The following RAPGEF2 variants were observed in gnomAD, a reference collection of about 807,000 sequenced individuals.
RAPGEF2 encodes PDZ domain containing guanine nucleotide exchange factor (GEF) 1.
A neutral mutation model predicts 186.7 loss-of-function variants in RAPGEF2; 54 were observed. That is an observed-to-expected ratio of 0.29 (90% CI 0.23 to 0.36). The LOEUF (loss-of-function observed/expected upper bound fraction) is 0.36. RAPGEF2 is among the 10% of genes least tolerant of loss of function. RAPGEF2 has a pLI of 1.00. For missense variants in RAPGEF2, 1,532 were observed against 2,045.0 expected (o/e 0.75, Z 4.84); for synonymous variants, 712 against 705.9 (o/e 1.01, Z -0.14).
At chr4:159,287,897 A>T (rs537354352) in intron 7 of RAPGEF2, among the ~76,000 whole-genome samples, 1 of 152,148 alleles carries the variant, frequency 6.6e-6, no homozygotes, top group African/African-American at 2.4e-5. Context: ...TGAATCCTCA[A>T]GCTCTTCCAG....
intron 7 of RAPGEF2, among the ~76,000 whole-genome samples, chr4:159,302,049 A>G (rs541284240): frequency 1.3e-5 from 2 of 152,312 alleles, no homozygotes; most frequent in Admixed American, 1.3e-4. Context: ...TTTTAAAAGC[A>G]ACGATATTTC....
chr4:159,131,366 T>C (rs182287230), intron 1 of RAPGEF2, among the ~76,000 whole-genome samples: 1 of 150,860 alleles, frequency 6.6e-6, no homozygotes, highest in Non-Finnish European at 1.5e-5. Flanking sequence ...TATCTTGGCC[T>C]CCCAAAGTGC....
chr4:159,342,008 G>A (rs1429912379), intron 20 of RAPGEF2, 61 bp downstream of exon 20: 4 of 1,438,766 alleles, frequency 2.8e-6, no homozygotes, highest in Non-Finnish European at 3.7e-6. Flanking sequence ...ATATGTATCA[G>A]TCCAGGAACA....
intron 1 of RAPGEF2, among the ~76,000 whole-genome samples, chr4:159,181,838 C>T (rs1175823583): frequency 3.9e-5 from 6 of 151,986 alleles, no homozygotes; most frequent in Non-Finnish European, 7.4e-5. Context: ...CATGCCTGGC[C>T]GGGAATACAG....
At chr4:159,221,056 C>T (rs1751494693) in intron 4 of RAPGEF2, among the ~76,000 whole-genome samples, 1 of 152,128 alleles carries the variant, frequency 6.6e-6, no homozygotes, top group African/African-American at 2.4e-5. Context: ...TTGTTCGACC[C>T]TTGCAGGGAT....
chr4:159,358,056 G>C lies in RAPGEF2; in HGVS notation c.4958-58G>C, dbSNP rs1732302771. ...CACATCAGTGAATATATTCTCTATAGCACAAGAAATTACTTGCTTGCTCAT... is the reference window on the plus strand; with the variant it reads ...CACATCAGTGAATATATTCTCTATACCACAAGAAATTACTTGCTTGCTCAT... On this transcript the variant is annotated intron_variant, in intron 29 of 29. Transcript: ENST00000691494. 3.2e-6 allele frequency: 5 copies of C among 1,546,960 alleles called. No individual in the cohort carries two copies. The South Asian group carries it at 3.4e-5, about 11-fold the overall frequency.
At chr4:159,252,024 A>G (rs1660162013) in intron 7 of RAPGEF2, among the ~76,000 whole-genome samples, 1 of 152,144 alleles carries the variant, frequency 6.6e-6, no homozygotes, top group African/African-American at 2.4e-5. Context: ...ACATCTGAAC[A>G]TCTGAAGGAA....
At chr4:159,319,710 G>A (rs1181606199) in intron 9 of RAPGEF2, among the ~76,000 whole-genome samples, 1 of 151,492 alleles carries the variant, frequency 6.6e-6, no homozygotes, top group Non-Finnish European at 1.5e-5. Flanking sequence ...TCTACTATTT[G>A]ATCTTTCTGT....
intron 9 of RAPGEF2, among the ~76,000 whole-genome samples, chr4:159,318,781 A>C (rs1354122160): frequency 4.6e-5 from 7 of 152,322 alleles, no homozygotes; most frequent in African/African-American, 1.4e-4. Context: ...AACATTTCTT[A>C]TATAAAATTG....
chr4:159,225,440 A>T (rs1373064783), intron 4 of RAPGEF2, among the ~76,000 whole-genome samples: 1 of 152,220 alleles, frequency 6.6e-6, no homozygotes, highest in Non-Finnish European at 1.5e-5. Context: ...GGCTTCTACG[A>T]ATATTCACGA....
At chr4:159,357,646 G>A (rs967805743) in intron 29 of RAPGEF2, among the ~76,000 whole-genome samples, 4 of 152,178 alleles carry the variant, frequency 2.6e-5, no homozygotes, top group African/African-American at 9.7e-5. Flanking sequence ...ACACTGCACT[G>A]TGGATGGCAA....
At chr4:159,193,296 A>G (rs1278837178) in intron 3 of RAPGEF2, 40 bp downstream of exon 3, 4 of 1,293,412 alleles carry the variant, frequency 3.1e-6, no homozygotes, top group Admixed American at 2.9e-5. Flanking sequence ...TATCTAATCC[A>G]GTGACTAAAT....
At chr4:159,144,415 T>C (rs914310449) in intron 1 of RAPGEF2, among the ~76,000 whole-genome samples, 16 of 152,254 alleles carry the variant, frequency 1.1e-4, no homozygotes, top group Non-Finnish European at 2.2e-4. Context: ...CAGTTCCATT[T>C]GTTCCTGTCC....
intron 3 of RAPGEF2, among the ~76,000 whole-genome samples, chr4:159,206,085 T>C (rs1749955589): frequency 1.3e-5 from 2 of 152,092 alleles, no homozygotes; most frequent in Non-Finnish European, 2.9e-5. Context: ...ACCGCCACCA[T>C]GCCCGGCTAA....
chr4:159,229,672 G>A (rs932101697), intron 4 of RAPGEF2: 19 of 152,122 alleles, frequency 1.2e-4, no homozygotes, highest in Non-Finnish European at 2.4e-4. Context: ...ATTTGCACCT[G>A]TAGAAATATT....
chr4:159,116,240 GA>G (rs1173385058), intron 1 of RAPGEF2, among the ~76,000 whole-genome samples: 3 of 151,808 alleles, frequency 2.0e-5, no homozygotes, highest in Admixed American at 6.6e-5. Context: ...AAATTTAGAA[GA>G]AAAAAACAAT....
At chr4:159,195,772 A>G (rs935897810) in intron 3 of RAPGEF2, among the ~76,000 whole-genome samples, 3 of 152,012 alleles carry the variant, frequency 2.0e-5, no homozygotes, top group African/African-American at 4.8e-5. Flanking sequence ...TAAAGTGGCA[A>G]CTGAAACCCG....
chr4:159,343,885 A>G, intron 22 of RAPGEF2, 151 bp from the exon 23 acceptor site: 5 of 677,560 alleles, frequency 7.4e-6, no homozygotes, highest in East Asian at 2.7e-5. Flanking sequence ...TATTTCTAGT[A>G]AAGTTGCGTG....
intron 7 of RAPGEF2, among the ~76,000 whole-genome samples, chr4:159,293,017 T>G (rs1579798175): frequency 6.6e-6 from 1 of 152,170 alleles, no homozygotes; most frequent in East Asian, 1.9e-4. Flanking sequence ...TATGCTAGAT[T>G]TATCTCAACT....
Sources: allele counts gnomAD v4.1 joint callset (sites outside exome capture counted in the v4.1 genomes callset), GRCh38; gene constraint gnomAD v4.1.1; transcripts MANE v1.5; gene names NCBI Gene and HGNC (gene_info 2026-07-23, HGNC 2026-07-21).